Variants in MAPRE2 observed in about 807,000 individuals in gnomAD.
The protein encoded by MAPRE2 is microtubule associated protein RP/EB family member 2, also known as microtubule-associated protein RP/EB family member 2.
MAPRE2 carries 13 observed loss-of-function variants against 43.2 expected under a neutral mutation model. That is an observed-to-expected ratio of 0.30 (90% CI 0.20 to 0.48). The LOEUF (loss-of-function observed/expected upper bound fraction) is 0.48. Among genes scored for constraint, MAPRE2 ranks in the 20% least tolerant of loss-of-function variants. MAPRE2 has a pLI of 0.99. For missense variants in MAPRE2, 161 were observed against 400.2 expected (o/e 0.40, Z 5.10); for synonymous variants, 135 against 148.8 (o/e 0.91, Z 0.68).
chr18:35,109,004 T>C (rs892108023), intron 4 of MAPRE2, among the ~76,000 whole-genome samples: 1 of 152,234 alleles, frequency 6.6e-6, no homozygotes, highest in Non-Finnish European at 1.5e-5. Context: ...AATTTTGGCT[T>C]TTGTTGAAAT....
intron 1 of MAPRE2, among the ~76,000 whole-genome samples, chr18:35,044,192 C>G (rs991795396): frequency 6.6e-6 from 1 of 152,120 alleles, no homozygotes. Flanking sequence ...TTATTGACTT[C>G]TAGGTAGGCC....
At chr18:35,096,822 TTAA>T (rs1360100561) in intron 2 of MAPRE2, among the ~76,000 whole-genome samples, 1 of 151,904 alleles carries the variant, frequency 6.6e-6, no homozygotes, top group Non-Finnish European at 1.5e-5. Flanking sequence ...TAAGTAATAC[TTAA>T]TAAGTAATAC....
chr18:35,084,633 T>C (rs560070570), intron 2 of MAPRE2, among the ~76,000 whole-genome samples: 4 of 152,252 alleles, frequency 2.6e-5, no homozygotes, highest in South Asian at 2.1e-4. Context: ...TGGGGTGCTT[T>C]TCAGCACTCT....
chr18:35,024,218 T>C (rs966898110), intron 2 of MAPRE2, among the ~76,000 whole-genome samples: 1 of 152,176 alleles, frequency 6.6e-6, no homozygotes, highest in Non-Finnish European at 1.5e-5. Context: ...AGCTATCTTG[T>C]TCTGGTACCA....
intron 5 of MAPRE2, chr18:35,127,723 G>T (rs1248456976): frequency 6.6e-6 from 1 of 152,180 alleles, no homozygotes; most frequent in African/African-American, 2.4e-5. Flanking sequence ...GGTGCTGCAG[G>T]AGCACCGAAC....
chr18:34,996,396 G>A (rs944277040), intron 1 of MAPRE2, among the ~76,000 whole-genome samples: 4 of 152,118 alleles, frequency 2.6e-5, no homozygotes, highest in Admixed American at 6.5e-5. Flanking sequence ...AATAGTGTTC[G>A]CACTCCTATG....
At chr18:35,092,938 G>A (rs529533) in intron 2 of MAPRE2, among the ~76,000 whole-genome samples, 14,538 of 152,102 alleles carry the variant, frequency 0.096, 807 homozygotes, top group South Asian at 0.15. Context: ...GAGGCCAGGC[G>A]CAGTGGCTCA....
intron 2 of MAPRE2, among the ~76,000 whole-genome samples, chr18:35,031,715 G>T (rs1457572599): frequency 6.6e-6 from 1 of 152,166 alleles, no homozygotes; most frequent in East Asian, 1.9e-4. Flanking sequence ...TGGACACCTT[G>T]CTATTTTGCT....
chr18:35,015,921 A>G (rs1367518029), intron 2 of MAPRE2, among the ~76,000 whole-genome samples: 1 of 151,982 alleles, frequency 6.6e-6, no homozygotes, highest in Non-Finnish European at 1.5e-5. Context: ...GGTACTAAGA[A>G]AAGTACCCAA....
intron 1 of MAPRE2, among the ~76,000 whole-genome samples, chr18:34,987,291 C>T (rs763400652): frequency 1.3e-5 from 2 of 152,146 alleles, no homozygotes; most frequent in Non-Finnish European, 2.9e-5. Flanking sequence ...CAAGTGATTG[C>T]AATGATGCCT....
intron 1 of MAPRE2, among the ~76,000 whole-genome samples, chr18:35,061,378 A>G (rs1906517447): frequency 6.6e-6 from 1 of 152,236 alleles, no homozygotes; most frequent in Non-Finnish European, 1.5e-5. Flanking sequence ...ATATTTTAAT[A>G]AAGTATGTGC....
chr18:35,117,071 G>C (rs767966092), intron 4 of MAPRE2, among the ~76,000 whole-genome samples: 6 of 152,214 alleles, frequency 3.9e-5, no homozygotes, highest in Non-Finnish European at 8.8e-5. Context: ...CTTAATGAAG[G>C]TAGTAGCCAT....
intron 1 of MAPRE2, among the ~76,000 whole-genome samples, chr18:34,984,999 T>A (rs1388938176): frequency 1.3e-5 from 1 of 74,996 alleles, no homozygotes; most frequent in Admixed American, 2.6e-4. Context: ...ATATAAAATA[T>A]ATAATATATT....
intron 2 of MAPRE2, among the ~76,000 whole-genome samples, chr18:35,012,333 A>G (rs1308745822): frequency 6.6e-6 from 1 of 152,222 alleles, no homozygotes; most frequent in Non-Finnish European, 1.5e-5. Context: ...GCAGTAAGCC[A>G]CAAATATAGA....
intron 1 of MAPRE2, among the ~76,000 whole-genome samples, chr18:35,056,075 C>A (rs1906214603): frequency 6.8e-6 from 1 of 147,910 alleles, no homozygotes; most frequent in African/African-American, 2.5e-5. Context: ...TGAAAATGGA[C>A]AGATTTTTTT....
intron 1 of MAPRE2, among the ~76,000 whole-genome samples, chr18:35,056,575 C>A (rs1178248449): frequency 6.6e-6 from 1 of 152,144 alleles, no homozygotes; most frequent in African/African-American, 2.4e-5. Context: ...TTTTAAATTT[C>A]ATCTGTTCAA....
At chr18:34,982,165 G>C (rs986982915) in intron 1 of MAPRE2, among the ~76,000 whole-genome samples, 1 of 152,134 alleles carries the variant, frequency 6.6e-6, no homozygotes, top group African/African-American at 2.4e-5. Context: ...TTACAGGCGT[G>C]AGTCACTGCG....
chr18:35,094,402 T>C (rs1370804975), intron 2 of MAPRE2, among the ~76,000 whole-genome samples: 2 of 152,192 alleles, frequency 1.3e-5, no homozygotes, highest in African/African-American at 4.8e-5. Context: ...CTATAGATAG[T>C]AATACATGTT....
upstream of MAPRE2, chr18:35,041,227 C>A: frequency 1.0e-6 from 1 of 970,610 alleles, no homozygotes; most frequent in Non-Finnish European, 1.4e-6. Context: ...GTAGGCCTGC[C>A]CCGGTGCCTG....
Sources: allele counts gnomAD v4.1 joint callset (sites outside exome capture counted in the v4.1 genomes callset), GRCh38; gene constraint gnomAD v4.1.1; transcripts MANE v1.5; gene names NCBI Gene and HGNC (gene_info 2026-07-23, HGNC 2026-07-21).